PKP2: variants seen among roughly 807,000 people sequenced by gnomAD.
PKP2 encodes the protein plakophilin 2.
In PKP2, 73 loss-of-function variants were observed where a neutral mutation model predicts 83.4. The ratio of observed to expected loss-of-function variants is 0.88; its 90% CI spans 0.72 to 1.06. PKP2 has a LOEUF of 1.06. Ranked by LOEUF, PKP2 falls within the 50% of genes least tolerant of loss-of-function variation. The pLI is 0.00. For synonymous variants in PKP2, 409 were observed against 430.4 expected (o/e 0.95, Z 0.62); for missense variants, 966 against 1,065.4 (o/e 0.91, Z 1.30).
At chr12:32,895,653 G>A (rs1316004607) in intron 1 of PKP2, among the ~76,000 whole-genome samples, 1 of 152,242 alleles carries the variant, frequency 6.6e-6, no homozygotes, top group African/African-American at 2.4e-5. Context: ...CAGCAGGGGA[G>A]AAAAGGATAC....
chr12:32,878,293 C>G lies in PKP2; in HGVS notation c.587G>C (p.Arg196Pro). Residue 196 changes from arginine to proline, a missense_variant, in exon 3 of 13, where the codon CGT (arginine) becomes CCT (proline). Transcript: ENST00000340811. ...AALLVPPRYA[R>P]SEIVGVSRAG... ...ACGGCTGACCCCCACGATCTCGGAA[C>G]GAGCATATCTCGGTGGCACTAGGAG... The G allele has an allele frequency of 1.9e-6, 3 of 1,613,722 alleles. No homozygotes were observed. Among genetic ancestry groups the G allele is most frequent in the African/African-American group, 2.7e-5 (2 of 75,038 alleles).
At chr12:32,894,219 G>C (rs751052307) in intron 1 of PKP2, 1 of 152,088 alleles carries the variant, frequency 6.6e-6, no homozygotes, top group Admixed American at 6.6e-5. Flanking sequence ...GAGTCACTGC[G>C]CCCAGCCAAT....
At chr12:32,804,940 T>G (rs1484325703) in intron 9 of PKP2, among the ~76,000 whole-genome samples, 1 of 152,242 alleles carries the variant, frequency 6.6e-6, no homozygotes, top group Non-Finnish European at 1.5e-5. Context: ...CATTCTTTTT[T>G]CTCTGCAACC....
intron 6 of PKP2, among the ~76,000 whole-genome samples, chr12:32,829,213 C>T (rs1226822136): frequency 2.0e-5 from 3 of 151,018 alleles, no homozygotes; most frequent in Non-Finnish European, 4.4e-5. Context: ...GGTGTAAGCC[C>T]CTGTGCCTGG....
intron 3 of PKP2, among the ~76,000 whole-genome samples, chr12:32,869,881 C>A (rs1293966309): frequency 2.0e-5 from 3 of 151,804 alleles, no homozygotes; most frequent in Non-Finnish European, 4.4e-5. Flanking sequence ...CAAACAAAAT[C>A]AGCTGGGTGT....
In PKP2 at chr12:32,802,438, T is replaced by C. The variant is rs1009550791; in HGVS notation, c.2132A>G (p.Asn711Ser). 1.2e-6 allele frequency: 2 copies of C among 1,614,132 alleles called. No individual in the cohort carries two copies. Among genetic ancestry groups the C allele is most frequent in the Non-Finnish European group, 8.5e-7 (1 of 1,180,006 alleles). Residue 711 changes from asparagine (N) to serine (S), a missense_variant, in exon 10 of 13, where the codon AAT becomes AGT. Physicochemically the swap from Asn to Ser is conservative, Grantham distance 46. Transcript: ENST00000340811. ...VKKTAISLLR[N>S]LSRNLSLQNE... ...CTGCAGAGAAAGATTCCGGGACAGA[T>C]TCCTCAGCAGCGAGATGGCTGTCTT...
chr12:32,885,660 T>C (rs1348882721), intron 1 of PKP2, among the ~76,000 whole-genome samples: 6 of 144,130 alleles, frequency 4.2e-5, no homozygotes, highest in African/African-American at 1.0e-4. Flanking sequence ...CAAGATTCCG[T>C]CCCCCCCCCA....
chr12:32,820,950 T>G lies in PKP2; in HGVS notation c.2013+406A>C, dbSNP rs146760972. The stretch of plus-strand genomic sequence containing the variant: ...TAATTCATGGCTGTCTTTGTTACCC[T>G]ATGGAGAGAGCCTTTGAGAACAAAC... On this transcript the variant is annotated intron_variant, in intron 9 of 12. Transcript: ENST00000340811. 51 of 254,902 alleles carry G rather than the reference T, an allele frequency of 2.0e-4. No homozygotes were observed. The East Asian group carries it at 4.4e-3, about 22-fold the overall frequency. The allele number at this position is 254,902 out of a possible 1,614,324, so 15.8% of individuals were successfully genotyped here.
At chr12:32,883,262 T>C (rs774474696) in intron 1 of PKP2, among the ~76,000 whole-genome samples, 15 of 152,358 alleles carry the variant, frequency 9.8e-5, no homozygotes, top group African/African-American at 4.8e-5. Context: ...TCTGGATAAA[T>C]AGCCAATCTC....
intron 4 of PKP2, among the ~76,000 whole-genome samples, chr12:32,861,605 T>C (rs1267290365): frequency 6.6e-6 from 1 of 152,202 alleles, no homozygotes; most frequent in Non-Finnish European, 1.5e-5. Flanking sequence ...TATGTAATTG[T>C]AGTTCCCAAA....
chr12:32,882,999 C>T (rs751977511), intron 1 of PKP2, among the ~76,000 whole-genome samples: 9 of 152,272 alleles, frequency 5.9e-5, no homozygotes, highest in Admixed American at 2.6e-4. Flanking sequence ...CCTTCACTTA[C>T]GCAACTCCAA....
intron 10 of PKP2, among the ~76,000 whole-genome samples, chr12:32,800,729 T>G (rs1422902537): frequency 6.6e-6 from 1 of 152,196 alleles, no homozygotes; most frequent in African/African-American, 2.4e-5. Context: ...ATCAGAAGTC[T>G]CCCTCCTTTT....
At chr12:32,847,931 T>A (rs1164227162) in intron 5 of PKP2, among the ~76,000 whole-genome samples, 1 of 151,482 alleles carries the variant, frequency 6.6e-6, no homozygotes, top group African/African-American at 2.4e-5. Flanking sequence ...CCCCATCCTT[T>A]AAAAAAAACA....
At chr12:32,884,852 C>G (rs867712192) in intron 1 of PKP2, among the ~76,000 whole-genome samples, 1 of 151,284 alleles carries the variant, frequency 6.6e-6, no homozygotes, top group African/African-American at 2.4e-5. Context: ...TTCTGATTGA[C>G]CCGTCACTGA....
chr12:32,799,036 A>G (rs1956155504), intron 10 of PKP2, among the ~76,000 whole-genome samples: 1 of 152,258 alleles, frequency 6.6e-6, no homozygotes, highest in Admixed American at 6.5e-5. Context: ...ACTAATATCC[A>G]GAATCTACAA....
At chr12:32,848,463 C>T (rs1247221269) in intron 5 of PKP2, among the ~76,000 whole-genome samples, 1 of 152,040 alleles carries the variant, frequency 6.6e-6, no homozygotes, top group Non-Finnish European at 1.5e-5. Flanking sequence ...CATGGTACCT[C>T]ACATAGTTTT....
chr12:32,836,157 T>G (rs955096240), intron 6 of PKP2, among the ~76,000 whole-genome samples: 4 of 152,204 alleles, frequency 2.6e-5, no homozygotes, highest in African/African-American at 9.6e-5. Context: ...AATTGGAAAC[T>G]TACGTGGGCA....
At chr12:32,848,890 T>C (rs1956671439) in intron 5 of PKP2, among the ~76,000 whole-genome samples, 1 of 151,864 alleles carries the variant, frequency 6.6e-6, no homozygotes, top group Admixed American at 6.6e-5. Context: ...AAACCTATTA[T>C]ATAACTAAAT....
rs985201111 is a variant in PKP2, at chr12:32,851,554, C to T, written c.1171-581G>A. On this transcript the variant is annotated intron_variant, in intron 4 of 12. Coordinates refer to ENST00000340811, the MANE Select transcript of PKP2 (RefSeq NM_001005242.3). ...CGGGATGTCGGCTCACTGCAAGCTC[C>T]GCCTCCCAGGTTCACACCATTCTCC... Among the ~76,000 whole-genome samples, 7 of 152,236 alleles carry T rather than the reference C, an allele frequency of 4.6e-5. No homozygotes were observed. The South Asian group carries it at 8.3e-4, about 18-fold the overall frequency.
Sources: gnomAD v4.1 joint callset for allele counts (sites outside exome capture counted in the v4.1 genomes callset) on GRCh38, gnomAD v4.1.1 for gene constraint, MANE v1.5 for transcripts, NCBI Gene and HGNC (gene_info 2026-07-23, HGNC 2026-07-21) for gene names.